CROCC2: variants seen among roughly 807,000 people sequenced by gnomAD.
The protein encoded by CROCC2 is ciliary rootlet coiled-coil protein 2.
CROCC2 carries 163 observed loss-of-function variants against 177.6 expected under a neutral mutation model. That is an observed-to-expected ratio of 0.92 (90% CI 0.81 to 1.05). The LOEUF (loss-of-function observed/expected upper bound fraction) is 1.05. Ranked by LOEUF, CROCC2 falls within the 50% of genes least tolerant of loss-of-function variation. CROCC2 has a pLI of 0.00. For missense variants in CROCC2, 1,929 were observed against 1,797.8 expected (o/e 1.07, Z -1.32); for synonymous variants, 904 against 787.3 (o/e 1.15, Z -2.48).
At chr2:240,935,237 T>A in intron 13 of CROCC2, 121 bp from the exon 14 acceptor site, 1 of 1,187,100 alleles carries the variant, frequency 8.4e-7, no homozygotes, top group Non-Finnish European at 1.1e-6. Flanking sequence ...GGGAAGAGAG[T>A]GCCCCTGGGC....
intron 28 of CROCC2, among the ~76,000 whole-genome samples, chr2:240,987,283 A>C (rs1166677534): frequency 2.0e-5 from 3 of 152,090 alleles, no homozygotes; most frequent in Non-Finnish European, 4.4e-5. Context: ...AGGAACAGCT[A>C]ATGAGTTCCA....
intron 3 of CROCC2, among the ~76,000 whole-genome samples, chr2:240,921,364 C>T (rs1021942443): frequency 6.6e-6 from 1 of 152,210 alleles, no homozygotes; most frequent in African/African-American, 2.4e-5. Context: ...GTCCACCCCA[C>T]CTGATGGGGG....
chr2:240,960,692 G>A lies in CROCC2; in HGVS notation c.3087+1248G>A, dbSNP rs1035701306. Among the ~76,000 whole-genome samples, 9 of 152,122 alleles carry A rather than the reference G, an allele frequency of 5.9e-5. No homozygotes were observed. Among genetic ancestry groups the A allele is most frequent in the Non-Finnish European group, 8.8e-5 (6 of 67,994 alleles). ...GGAGCGAGCGGCTGGCGCACACCACGCCCCAGAGGCCGGGCCGGCCGGCAG... is the reference window on the plus strand; with the variant it reads ...GGAGCGAGCGGCTGGCGCACACCACACCCCAGAGGCCGGGCCGGCCGGCAG... On this transcript the variant is annotated intron_variant, in intron 20 of 31. Transcript: ENST00000690015. This position sits in a 1 kb window ranked among gnomAD's most constrained non-coding sequence, Gnocchi z 5.0.
At chr2:240,930,677 G>A (rs934951254) in intron 6 of CROCC2, among the ~76,000 whole-genome samples, 23 of 152,118 alleles carry the variant, frequency 1.5e-4, no homozygotes, top group African/African-American at 5.3e-4. Flanking sequence ...CGCAGGAGGA[G>A]TCGGGGGCTC....
chr2:240,954,071 GC>G, intron 18 of CROCC2, among the ~76,000 whole-genome samples: 1 of 152,154 alleles, frequency 6.6e-6, no homozygotes, highest in Non-Finnish European at 1.5e-5. Context: ...CCGGCCTCCA[GC>G]CGAGCAAAAC....
rs1488555034 is a variant in CROCC2 at position 240,918,326 on chromosome 2, A to T, written c.79-400A>T. Among the ~76,000 whole-genome samples the T allele has an allele frequency of 2.6e-5, 4 of 152,078 alleles. No homozygotes were observed. The highest frequency in any genetic ancestry group is 1.3e-4 in the Admixed American group (2 of 15,284). On this transcript the variant is annotated intron_variant, in intron 1 of 31. Transcript: ENST00000690015. The surrounding 1 kb of genome is among the most constrained non-coding windows in gnomAD (Gnocchi z 6.3). The stretch of plus-strand genomic sequence containing the variant: ...CCCCACCGTGCAAACAAGCTGTGAG[A>T]CCACCTGCTCCAGGTGGGCGAGGAT...
intron 14 of CROCC2, among the ~76,000 whole-genome samples, chr2:240,940,326 C>A (rs2059488795): frequency 6.6e-6 from 1 of 152,146 alleles, no homozygotes; most frequent in Admixed American, 6.5e-5. Context: ...TATAAAACAT[C>A]TCCTCTTATC....
chr2:240,945,660 A>G (rs1016151272), intron 14 of CROCC2, among the ~76,000 whole-genome samples: 9 of 151,678 alleles, frequency 5.9e-5, no homozygotes, highest in African/African-American at 2.2e-4. Context: ...TATTCTTATG[A>G]TATATTCTTT....
chr2:240,969,514 A>G (rs970836126), intron 27 of CROCC2, among the ~76,000 whole-genome samples: 1 of 152,204 alleles, frequency 6.6e-6, no homozygotes, highest in Admixed American at 6.5e-5. Flanking sequence ...CAGTAAGACT[A>G]GAGACGTCTG....
intron 15 of CROCC2, among the ~76,000 whole-genome samples, chr2:240,946,997 G>A (rs2059528190): frequency 6.6e-6 from 1 of 152,282 alleles, no homozygotes; most frequent in African/African-American, 2.4e-5. Flanking sequence ...GATGTGTGTA[G>A]GCTGTTGCCT....
chr2:240,981,301 G>A (rs980108651), intron 27 of CROCC2, among the ~76,000 whole-genome samples: 7 of 152,300 alleles, frequency 4.6e-5, no homozygotes, highest in East Asian at 3.9e-4. Flanking sequence ...AGGAGCCTCC[G>A]GAGCCCAGGC....
intron 14 of CROCC2, among the ~76,000 whole-genome samples, chr2:240,943,456 C>T (rs2059505218): frequency 6.6e-6 from 1 of 151,454 alleles, no homozygotes; most frequent in African/African-American, 2.4e-5. Context: ...AAATCTTAGG[C>T]CATGTTCCCA....
intron 30 of CROCC2, among the ~76,000 whole-genome samples, chr2:240,990,216 C>T (rs1300163549): frequency 6.6e-6 from 1 of 152,210 alleles, no homozygotes; most frequent in Non-Finnish European, 1.5e-5. Flanking sequence ...GCCTCTGCAC[C>T]TGTCCTTCAG....
intron 28 of CROCC2, among the ~76,000 whole-genome samples, chr2:240,984,253 C>T (rs893879833): frequency 2.6e-5 from 4 of 152,126 alleles, no homozygotes; most frequent in African/African-American, 9.7e-5. Flanking sequence ...TGGTCCTGGC[C>T]ACTGAGCTCG....
rs576243225 is a variant in CROCC2 at position 240,950,386 on chromosome 2, T to G, written c.2705T>G (p.Leu902Arg). 4 of 1,550,258 alleles carry G rather than the reference T, an allele frequency of 2.6e-6. No individual in the cohort carries two copies. In the Admixed American group the frequency reaches 7.8e-5, roughly 30 times the overall value. ...GAGAAGGAGGTAGCCAGATGCCAGC[T>G]GGAGCAGGAGAAGGAGCTGGTGACA... is the stretch of plus-strand genomic sequence containing the variant. ...AEEKEVARCQ[L>R]EQEKELVTKS... Residue 902 changes from leucine (L) to arginine (R), a missense_variant, in exon 18 of 32, where the codon CTG (leucine) becomes CGG (arginine). Physicochemically the swap from Leu to Arg is moderately radical, Grantham distance 102 (BLOSUM62 -2). Transcript: ENST00000690015.
At position 240,964,634 on chromosome 2, in the gene CROCC2, G is replaced by T; in HGVS notation, c.3465+9G>T. 3.2e-6 allele frequency: 5 copies of T among 1,547,294 alleles called. No homozygotes were observed. The highest frequency in any genetic ancestry group is 3.5e-6 in the Non-Finnish European group (4 of 1,145,320). Reference sequence around the variant, plus strand: ...GGGAACTCCACAGACAGGTAGGGCGGCAGGGAGGGGTCAACATCCAACCAG... The same window carrying T: ...GGGAACTCCACAGACAGGTAGGGCGTCAGGGAGGGGTCAACATCCAACCAG... On this transcript the variant is annotated intron_variant, in intron 22 of 31. Transcript: ENST00000690015.
chr2:240,952,658 T>C (rs1194553721), intron 18 of CROCC2, among the ~76,000 whole-genome samples: 1 of 152,208 alleles, frequency 6.6e-6, no homozygotes, highest in Non-Finnish European at 1.5e-5. Context: ...TGGCATGAAG[T>C]TCTGCACAGC....
At chr2:240,956,339 C>A in intron 19 of CROCC2, 1 of 250,908 alleles carries the variant, frequency 4.0e-6, no homozygotes, top group East Asian at 8.2e-5. Context: ...CAGCTGGGGA[C>A]ATGAGCACCA....
At chr2:240,950,582 G>T in intron 18 of CROCC2, 72 bp downstream of exon 18, 1 of 1,458,320 alleles carries the variant, frequency 6.9e-7, no homozygotes, top group Non-Finnish European at 9.2e-7. Flanking sequence ...CCAGCACAAG[G>T]GCTGCATGTG....
Sources: allele counts gnomAD v4.1 joint callset (sites outside exome capture counted in the v4.1 genomes callset), GRCh38; gene constraint gnomAD v4.1.1; non-coding constraint Gnocchi (gnomAD v3.1); transcripts MANE v1.5; gene names NCBI Gene and HGNC (gene_info 2026-07-23, HGNC 2026-07-21).